Variants in CCR5AS observed in about 807,000 individuals in gnomAD.
CCR5AS encodes the protein CCR5 antisense RNA.
chr3:46,374,790 G>A (rs1701730266), intron 2 of CCR5AS: 1 of 167,484 alleles, frequency 6.0e-6, no homozygotes, highest in Admixed American at 6.5e-5. Flanking sequence ...GTGGCCAAAG[G>A]AGGGTCAGGA....
At chr3:46,391,052 G>T (rs537609799) in intron 2 of CCR5AS, among the ~76,000 whole-genome samples, 1 of 152,340 alleles carries the variant, frequency 6.6e-6, no homozygotes, top group South Asian at 2.1e-4. Context: ...AGAAGATCTG[G>T]GAAGGAGTCA....
chr3:46,376,485 A>C (rs1701759562), intron 2 of CCR5AS, among the ~76,000 whole-genome samples: 1 of 152,188 alleles, frequency 6.6e-6, no homozygotes, highest in African/African-American at 2.4e-5. Flanking sequence ...AAAACTTTTA[A>C]AATTCAAATT....
chr3:46,396,681 A>G (rs1485377893), intron 1 of CCR5AS, among the ~76,000 whole-genome samples: 3 of 152,202 alleles, frequency 2.0e-5, no homozygotes, highest in African/African-American at 7.2e-5. Flanking sequence ...GTTGGATTGC[A>G]GAGGCCTAGC....
chr3:46,383,900 G>A (rs1039993013), intron 2 of CCR5AS, among the ~76,000 whole-genome samples: 1 of 152,160 alleles, frequency 6.6e-6, no homozygotes, highest in Non-Finnish European at 1.5e-5. Flanking sequence ...CTGTCCTTAT[G>A]AAATTCACTA....
chr3:46,371,956 G>T (rs1028932351), intron 2 of CCR5AS, among the ~76,000 whole-genome samples: 1 of 152,186 alleles, frequency 6.6e-6, no homozygotes, highest in Non-Finnish European at 1.5e-5. Flanking sequence ...TAGCATGGTA[G>T]TTAAGAGTGC....
intron 2 of CCR5AS, among the ~76,000 whole-genome samples, chr3:46,384,143 G>A (rs944437448): frequency 1.3e-5 from 2 of 152,204 alleles, no homozygotes; most frequent in African/African-American, 4.8e-5. Context: ...CCTGTTTTGT[G>A]GTGAAATGCA....
chr3:46,395,584 T>G (rs1206425515), intron 1 of CCR5AS, among the ~76,000 whole-genome samples: 4 of 152,214 alleles, frequency 2.6e-5, no homozygotes, highest in Non-Finnish European at 4.4e-5. Flanking sequence ...TGGAACCCTG[T>G]GATGCAATCG....
intron 2 of CCR5AS, among the ~76,000 whole-genome samples, chr3:46,388,517 A>G (rs1393498897): frequency 1.3e-5 from 2 of 152,220 alleles, no homozygotes; most frequent in African/African-American, 4.8e-5. Context: ...GGGGTTCAGC[A>G]TAATTATTTG....
chr3:46,400,362 G>A (rs985025560), intron 1 of CCR5AS, among the ~76,000 whole-genome samples: 7 of 152,200 alleles, frequency 4.6e-5, no homozygotes, highest in African/African-American at 1.7e-4. Flanking sequence ...TAAGGCTGGG[G>A]CTTCAAGAGA....
At chr3:46,402,734 T>C (rs1162020277) in intron 1 of CCR5AS, among the ~76,000 whole-genome samples, 2 of 152,222 alleles carry the variant, frequency 1.3e-5, no homozygotes, top group African/African-American at 4.8e-5. Flanking sequence ...ATTTAAACAA[T>C]AATTTTTTGA....
chr3:46,378,031 G>T (rs547918842), intron 2 of CCR5AS, among the ~76,000 whole-genome samples: 10 of 152,178 alleles, frequency 6.6e-5, no homozygotes, highest in Non-Finnish European at 1.5e-4. Flanking sequence ...CTTTCTAACT[G>T]CAGTTCCTTG....
At chr3:46,368,215 C>G (rs1278285728) in intron 3 of CCR5AS, among the ~76,000 whole-genome samples, 1 of 152,166 alleles carries the variant, frequency 6.6e-6, no homozygotes, top group Non-Finnish European at 1.5e-5. Flanking sequence ...ACGAAACACC[C>G]TCCAATATGG....
At position 46,391,796 on chromosome 3, in the gene CCR5AS, T is replaced by G. The variant is rs1458044882; in HGVS notation, n.391+1029A>C. Among the ~76,000 whole-genome samples, 4 of 151,754 alleles carry G rather than the reference T, an allele frequency of 2.6e-5. No individual in the cohort carries two copies. The East Asian group carries it at 7.7e-4, about 29-fold the overall frequency. On this transcript the variant is annotated intron_variant and non_coding_transcript_variant, in intron 2 of 3. Coordinates refer to ENST00000451485, the Ensembl canonical transcript of CCR5AS. ...AGGGGAGCAGAGGCTGGGGAAGAAT[T>G]GGGACCTGGCTAGGCCTAGCGAGGA...
intron 2 of CCR5AS, among the ~76,000 whole-genome samples, chr3:46,380,270 T>C (rs1701804304): frequency 6.6e-6 from 1 of 152,060 alleles, no homozygotes; most frequent in African/African-American, 2.4e-5. Context: ...TATAGTTAGA[T>C]GAACTTGCCC....
At chr3:46,385,683 A>T (rs1701854150) in intron 2 of CCR5AS, among the ~76,000 whole-genome samples, 1 of 151,018 alleles carries the variant, frequency 6.6e-6, no homozygotes, top group Non-Finnish European at 1.5e-5. Context: ...ACTGGGCGCA[A>T]CTCTCTCTCT....
chr3:46,387,767 A>T (rs1278969274), intron 2 of CCR5AS, among the ~76,000 whole-genome samples: 2 of 152,200 alleles, frequency 1.3e-5, no homozygotes, highest in Non-Finnish European at 2.9e-5. Context: ...GTGCAGGCAG[A>T]CTGAGTCTGA....
intron 2 of CCR5AS, among the ~76,000 whole-genome samples, chr3:46,391,979 G>A (rs146098562): frequency 1.3e-5 from 2 of 152,294 alleles, no homozygotes; most frequent in East Asian, 3.9e-4. Context: ...AGGGACTGAT[G>A]TGTAAAGAAT....
At chr3:46,365,505 C>A (rs1012895012) in intron 3 of CCR5AS, among the ~76,000 whole-genome samples, 2 of 152,158 alleles carry the variant, frequency 1.3e-5, no homozygotes, top group Non-Finnish European at 2.9e-5. Flanking sequence ...CACTGGGAAA[C>A]CAAAAAGGTT....
At chr3:46,398,699 T>C (rs989684662) in intron 1 of CCR5AS, among the ~76,000 whole-genome samples, 2 of 152,166 alleles carry the variant, frequency 1.3e-5, no homozygotes, top group African/African-American at 4.8e-5. Flanking sequence ...TTAAATTCTT[T>C]TTTCTTGTCT....
Sources: gnomAD v4.1 joint callset for allele counts (sites outside exome capture counted in the v4.1 genomes callset) on GRCh38, gnomAD v4.1.1 for gene constraint, MANE v1.5 for transcripts, NCBI Gene and HGNC (gene_info 2026-07-23, HGNC 2026-07-21) for gene names.